NCAM2: variants seen among roughly 807,000 people sequenced by gnomAD.
NCAM2 encodes the protein neural cell adhesion molecule 2.
A neutral mutation model predicts 98.1 loss-of-function variants in NCAM2; 30 were observed. That is an observed-to-expected ratio of 0.31 (90% CI 0.23 to 0.41). The LOEUF (loss-of-function observed/expected upper bound fraction) is 0.41. NCAM2 is among the 10% of genes least tolerant of loss of function. The pLI is 1.00. For missense variants in NCAM2, 867 were observed against 1,005.8 expected, an observed-to-expected ratio of 0.86 and a Z score of 1.87; for synonymous variants, 368 against 342.4, an observed-to-expected ratio of 1.07 and a Z score of -0.83.
intron 15 of NCAM2, among the ~76,000 whole-genome samples, chr21:21,494,885 T>C (rs1987107746): frequency 9.6e-6 from 1 of 104,536 alleles, no homozygotes; most frequent in Non-Finnish European, 2.0e-5. Flanking sequence ...AGAGCTGTTA[T>C]GTATGAATTT....
intron 4 of NCAM2, among the ~76,000 whole-genome samples, chr21:21,290,728 ACAGGCTTGTC>A (rs1183053110): frequency 6.6e-6 from 1 of 151,880 alleles, no homozygotes; most frequent in Non-Finnish European, 1.5e-5. Flanking sequence ...AAAAGCAACT[ACAGGCTTGTC>A]CGTTTAATGA....
At chr21:21,383,277 G>C (rs2076198419) in intron 9 of NCAM2, among the ~76,000 whole-genome samples, 1 of 152,130 alleles carries the variant, frequency 6.6e-6, no homozygotes, top group African/African-American at 2.4e-5. Context: ...AGCTTTTGCT[G>C]TGCTGGTTTG....
chr21:21,073,011 G>A (rs1319163665), intron 1 of NCAM2, among the ~76,000 whole-genome samples: 2 of 151,936 alleles, frequency 1.3e-5, no homozygotes, highest in African/African-American at 4.8e-5. Context: ...TATCTCCAGT[G>A]TACTTTATGT....
chr21:21,515,827 G>A (rs139539011), intron 16 of NCAM2, among the ~76,000 whole-genome samples: 275 of 152,222 alleles, frequency 1.8e-3, no homozygotes, highest in African/African-American at 6.3e-3. Context: ...TTGGGTTTAG[G>A]TGTTTGAAAT....
intron 1 of NCAM2, among the ~76,000 whole-genome samples, chr21:21,037,438 CAA>C (rs1436739073): frequency 1.3e-5 from 2 of 152,048 alleles, no homozygotes; most frequent in Non-Finnish European, 2.9e-5. Flanking sequence ...TTTAAGAAGA[CAA>C]ATGAATTTAT....
At chr21:21,401,566 T>G (rs2076630860) in intron 9 of NCAM2, among the ~76,000 whole-genome samples, 3 of 152,216 alleles carry the variant, frequency 2.0e-5, no homozygotes. Context: ...GCAGTATTTG[T>G]GTTTCTGTGC....
chr21:21,499,996 C>A (rs1397893684), intron 15 of NCAM2, among the ~76,000 whole-genome samples: 1 of 151,838 alleles, frequency 6.6e-6, no homozygotes, highest in Non-Finnish European at 1.5e-5. Context: ...TTACATATTT[C>A]AATATATATT....
intron 1 of NCAM2, among the ~76,000 whole-genome samples, chr21:21,027,858 G>GTTT (rs527303137): frequency 1.4e-5 from 2 of 142,520 alleles, no homozygotes; most frequent in East Asian, 2.0e-4. Context: ...TGTTTCTTAA[G>GTTT]TTTTTTTTTT....
chr21:21,453,967 A>G (rs1426948378), intron 12 of NCAM2, among the ~76,000 whole-genome samples: 2 of 152,012 alleles, frequency 1.3e-5, no homozygotes, highest in Non-Finnish European at 2.9e-5. Context: ...GCGTCCTATG[A>G]ATGTTCTTTT....
intron 15 of NCAM2, among the ~76,000 whole-genome samples, chr21:21,477,956 A>C (rs1985381676): frequency 6.6e-6 from 1 of 152,196 alleles, no homozygotes; most frequent in Non-Finnish European, 1.5e-5. Context: ...AATTCCATAA[A>C]GACCTATACC....
chr21:21,095,436 A>T (rs112999092), intron 1 of NCAM2, among the ~76,000 whole-genome samples: 1 of 151,704 alleles, frequency 6.6e-6, no homozygotes, highest in African/African-American at 2.4e-5. Flanking sequence ...CTGTCTATCT[A>T]TCTAGCTAGC....
At chr21:21,042,447 GTGC>G (rs2146265240) in intron 1 of NCAM2, among the ~76,000 whole-genome samples, 1 of 152,272 alleles carries the variant, frequency 6.6e-6, no homozygotes, top group African/African-American at 2.4e-5. Context: ...GCCTCCCAAA[GTGC>G]TGGGATTACA....
chr21:21,055,143 T>C (rs1305963151), intron 1 of NCAM2, among the ~76,000 whole-genome samples: 1 of 152,040 alleles, frequency 6.6e-6, no homozygotes, highest in Non-Finnish European at 1.5e-5. Flanking sequence ...TTTTTGATAG[T>C]GCTGTGTAAA....
chr21:21,085,175 TTAAC>T, intron 1 of NCAM2, among the ~76,000 whole-genome samples: 1 of 151,106 alleles, frequency 6.6e-6, no homozygotes, highest in Non-Finnish European at 1.5e-5. Flanking sequence ...GTTATTGTAA[TTAAC>T]CATTATTTGT....
chr21:21,519,775 A>C (rs1988913921), intron 16 of NCAM2, among the ~76,000 whole-genome samples: 1 of 152,138 alleles, frequency 6.6e-6, no homozygotes. Flanking sequence ...ATAAAATCTT[A>C]ATGAGGAATA....
intron 1 of NCAM2, among the ~76,000 whole-genome samples, chr21:21,095,710 C>T (rs2066108135): frequency 6.6e-6 from 1 of 151,438 alleles, no homozygotes; most frequent in Non-Finnish European, 1.5e-5. Context: ...ATAATAAAAA[C>T]AGTAAATTCG....
intron 8 of NCAM2, among the ~76,000 whole-genome samples, chr21:21,343,292 T>A (rs2147898833): frequency 6.6e-6 from 1 of 150,576 alleles, no homozygotes; most frequent in African/African-American, 2.4e-5. Context: ...AATGGCAGAA[T>A]AGAAGGCTCC....
intron 1 of NCAM2, among the ~76,000 whole-genome samples, chr21:21,134,220 C>T (rs1234803596): frequency 1.3e-5 from 2 of 152,066 alleles, no homozygotes; most frequent in Non-Finnish European, 2.9e-5. Context: ...AAGTGCACGC[C>T]ACCATGCCTG....
intron 8 of NCAM2, among the ~76,000 whole-genome samples, chr21:21,352,154 C>A (rs913245268): frequency 6.6e-6 from 1 of 151,886 alleles, no homozygotes; most frequent in African/African-American, 2.4e-5. Flanking sequence ...CAAGCTTCAG[C>A]CCCCCAGTCT....
Sources: gnomAD v4.1 joint callset for allele counts (sites outside exome capture counted in the v4.1 genomes callset) on GRCh38, gnomAD v4.1.1 for gene constraint, MANE v1.5 for transcripts, NCBI Gene and HGNC (gene_info 2026-07-23, HGNC 2026-07-21) for gene names.